The following PLCB1 variants were observed in gnomAD, a reference collection of about 807,000 sequenced individuals.
The protein encoded by PLCB1 is 1-phosphatidylinositol 4,5-bisphosphate phosphodiesterase beta-1.
PLCB1 carries 46 observed loss-of-function variants against 161.8 expected under a neutral mutation model. That is an observed-to-expected ratio of 0.28 (90% CI 0.22 to 0.36). The LOEUF (loss-of-function observed/expected upper bound fraction) is 0.36, where lower values mean the gene tolerates loss of function less well. PLCB1 is among the 10% of genes least tolerant of loss of function. The pLI, the probability that PLCB1 is intolerant of heterozygous loss-of-function variation, is 1.00. For synonymous variants in PLCB1, 517 were observed against 503.7 expected (o/e 1.03, Z -0.35); for missense variants, 1,016 against 1,472.5 (o/e 0.69, Z 5.07).
In PLCB1 at chr20:8,777,785, T is replaced by A. The variant is rs1318072896; in HGVS notation, c.3111+3066T>A. Among the ~76,000 whole-genome samples, 3 of 150,986 alleles carry A rather than the reference T, an allele frequency of 2.0e-5. No homozygotes were observed. In the East Asian group the frequency reaches 5.8e-4, roughly 29 times the overall value. ...CATTTCCATGCTTCTAATAAAGACA[T>A]ACCTAAGACTGGGCAATATGAAGGA... On this transcript the variant is annotated intron_variant, in intron 27 of 31. Transcript: ENST00000338037.
At chr20:8,552,515 A>T (rs1293103609) in intron 3 of PLCB1, among the ~76,000 whole-genome samples, 2 of 152,184 alleles carry the variant, frequency 1.3e-5, no homozygotes, top group Non-Finnish European at 2.9e-5. Context: ...ATTTGAAACA[A>T]ATAGAGTGTT....
rs60221617 is a variant in PLCB1, at chr20:8,766,239, A to G, written c.2930+881A>G. Among the ~76,000 whole-genome samples, 362 of 152,326 alleles carry G rather than the reference A, an allele frequency of 2.4e-3. 1 individual carries two copies. Among genetic ancestry groups the G allele is most frequent in the African/African-American group, 8.4e-3 (348 of 41,570 alleles). ...CATGGTAATGTGGGAAACATAAATA[A>G]TAAACAACAAACACACAGCATCATC... On this transcript the variant is annotated intron_variant, in intron 26 of 31. Coordinates refer to ENST00000338037, the MANE Select transcript of PLCB1 (RefSeq NM_015192.4).
chr20:8,745,140 C>G (rs1046091540), intron 23 of PLCB1, among the ~76,000 whole-genome samples: 2 of 151,992 alleles, frequency 1.3e-5, no homozygotes, highest in Non-Finnish European at 1.5e-5. Flanking sequence ...TGTCTAAACT[C>G]TTAACTGGCC....
chr20:8,864,126 T>C (rs1040637560), intron 31 of PLCB1, among the ~76,000 whole-genome samples: 3 of 152,218 alleles, frequency 2.0e-5, no homozygotes. Context: ...CTCTTTTAGT[T>C]ATTTTAAAAT....
chr20:8,493,878 G>A (rs1046729698), intron 3 of PLCB1, among the ~76,000 whole-genome samples: 7 of 136,154 alleles, frequency 5.1e-5, no homozygotes, highest in Non-Finnish European at 1.1e-4. Context: ...ACTGGAAGCC[G>A]AACCTCAGGT....
intron 31 of PLCB1, among the ~76,000 whole-genome samples, chr20:8,826,018 G>A (rs574230468): frequency 1.3e-5 from 2 of 152,286 alleles, no homozygotes; most frequent in African/African-American, 4.8e-5. Context: ...GAATGAGGGG[G>A]AGGGAGCCAT....
intron 2 of PLCB1, among the ~76,000 whole-genome samples, chr20:8,267,052 G>A (rs1981998640): frequency 3.4e-5 from 5 of 148,274 alleles, no homozygotes; most frequent in African/African-American, 7.5e-5. Flanking sequence ...AAAAAAAAGG[G>A]AAAAAAAAAG....
intron 1 of PLCB1, among the ~76,000 whole-genome samples, chr20:8,149,811 C>T (rs1187641388): frequency 6.6e-6 from 1 of 152,002 alleles, no homozygotes; most frequent in Non-Finnish European, 1.5e-5. Flanking sequence ...TTGTATATAT[C>T]TTTCTGAATA....
chr20:8,660,639 A>G (rs1989596846), intron 9 of PLCB1, among the ~76,000 whole-genome samples: 1 of 152,182 alleles, frequency 6.6e-6, no homozygotes, highest in East Asian at 1.9e-4. Context: ...AAACCCCATA[A>G]TCCTAGAAAA....
chr20:8,213,294 G>C (rs894893618), intron 2 of PLCB1, among the ~76,000 whole-genome samples: 1 of 152,184 alleles, frequency 6.6e-6, no homozygotes, highest in Non-Finnish European at 1.5e-5. Flanking sequence ...TGCGAAGGGT[G>C]AATACAGAAG....
intron 4 of PLCB1, among the ~76,000 whole-genome samples, chr20:8,645,718 G>A (rs1458043392): frequency 6.6e-6 from 1 of 152,190 alleles, no homozygotes; most frequent in Non-Finnish European, 1.5e-5. Context: ...AGAGCAGGAA[G>A]ATTATGTTTG....
At chr20:8,300,146 C>T (rs984528858) in intron 2 of PLCB1, among the ~76,000 whole-genome samples, 2 of 152,134 alleles carry the variant, frequency 1.3e-5, no homozygotes, top group Non-Finnish European at 2.9e-5. Context: ...CAGTTCTGCT[C>T]CATGTGTCTC....
At chr20:8,549,250 G>C (rs1315377226) in intron 3 of PLCB1, among the ~76,000 whole-genome samples, 1 of 152,058 alleles carries the variant, frequency 6.6e-6, no homozygotes, top group African/African-American at 2.4e-5. Flanking sequence ...AGTTGATATA[G>C]ATGAAGTGAA....
chr20:8,152,751 G>A (rs949227679), intron 2 of PLCB1, among the ~76,000 whole-genome samples: 5 of 151,814 alleles, frequency 3.3e-5, no homozygotes, highest in Admixed American at 1.3e-4. Flanking sequence ...TCTTCCTTTG[G>A]GCTTCTTCCA....
chr20:8,174,816 A>G (rs890303909), intron 2 of PLCB1, among the ~76,000 whole-genome samples: 6 of 152,200 alleles, frequency 3.9e-5, no homozygotes, highest in South Asian at 2.1e-4. Flanking sequence ...TAGGAGGTCA[A>G]TGCAGGAGGA....
At chr20:8,456,127 C>T (rs938209967) in intron 3 of PLCB1, among the ~76,000 whole-genome samples, 4 of 152,184 alleles carry the variant, frequency 2.6e-5, no homozygotes, top group Non-Finnish European at 4.4e-5. Flanking sequence ...ACTTAGCATG[C>T]TATCACAGTG....
At chr20:8,162,910 A>G (rs2051639922) in intron 2 of PLCB1, among the ~76,000 whole-genome samples, 1 of 152,244 alleles carries the variant, frequency 6.6e-6, no homozygotes, top group African/African-American at 2.4e-5. Context: ...TGAGACATTA[A>G]CATATCAGAG....
In PLCB1 at chr20:8,432,032, G is replaced by C. The variant is rs1465407088; in HGVS notation, c.246+60582G>C. On this transcript the variant is annotated intron_variant, in intron 3 of 31. Transcript: ENST00000338037. ...AGATGACCTCTTCTTTGTATGTGGT[G>C]GTGGGGGTGGGAGCTGGGAGGTCTC... Among the ~76,000 whole-genome samples, 4 of 152,188 alleles carry C rather than the reference G, an allele frequency of 2.6e-5. No homozygotes were observed. In the East Asian group the frequency reaches 7.7e-4, roughly 29 times the overall value.
chr20:8,187,541 A>AT (rs1180430348), intron 2 of PLCB1, among the ~76,000 whole-genome samples: 2 of 152,048 alleles, frequency 1.3e-5, no homozygotes, highest in African/African-American at 4.8e-5. Flanking sequence ...TCCATCGTCT[A>AT]TTTTTTAACA....
Sources: allele counts gnomAD v4.1 joint callset (sites outside exome capture counted in the v4.1 genomes callset), GRCh38; gene constraint gnomAD v4.1.1; transcripts MANE v1.5; gene names NCBI Gene and HGNC (gene_info 2026-07-23, HGNC 2026-07-21).